FHIT: variants seen among roughly 807,000 people sequenced by gnomAD.
The protein encoded by FHIT is bis(5'-adenosyl)-triphosphatase.
FHIT carries 19 observed loss-of-function variants against 17.9 expected under a neutral mutation model. That is an observed-to-expected ratio of 1.06 (90% CI 0.74 to 1.56). The LOEUF (loss-of-function observed/expected upper bound fraction) is 1.56, where lower values mean the gene tolerates loss of function less well. Ranked by LOEUF, FHIT falls within the 40% of genes most tolerant of loss-of-function variation. The pLI is 0.00. For synonymous variants in FHIT, 81 were observed against 69.7 expected, an observed-to-expected ratio of 1.16 and a Z score of -0.81; for missense variants, 248 against 189.2, an observed-to-expected ratio of 1.31 and a Z score of -1.82.
intron 4 of FHIT, among the ~76,000 whole-genome samples, chr3:60,794,476 A>G (rs1345933812): frequency 2.6e-5 from 4 of 152,058 alleles, no homozygotes; most frequent in Non-Finnish European, 5.9e-5. Context: ...CATTTCTGAA[A>G]TAGGCTGTCT....
chr3:60,517,446 T>C (rs1175194284), intron 5 of FHIT, among the ~76,000 whole-genome samples: 3 of 152,058 alleles, frequency 2.0e-5, no homozygotes, highest in Admixed American at 1.3e-4. Context: ...AAGTAGCTAC[T>C]TCCTCTGTCT....
intron 5 of FHIT, among the ~76,000 whole-genome samples, chr3:60,492,433 ACTT>A (rs2034105707): frequency 6.6e-6 from 1 of 152,152 alleles, no homozygotes; most frequent in African/African-American, 2.4e-5. Flanking sequence ...GGTCATAAAT[ACTT>A]CTTAAGGTGC....
chr3:60,686,425 G>T (rs1262431454), intron 4 of FHIT, among the ~76,000 whole-genome samples: 2 of 152,024 alleles, frequency 1.3e-5, no homozygotes, highest in African/African-American at 4.8e-5. Flanking sequence ...GATTACTTTT[G>T]CACCAACCTA....
chr3:60,805,343 T>C (rs999910676), intron 4 of FHIT, among the ~76,000 whole-genome samples: 1 of 152,232 alleles, frequency 6.6e-6, no homozygotes, highest in Admixed American at 6.5e-5. Context: ...TCCAAGATCA[T>C]GGTGTCAGCA....
At position 60,155,173 on chromosome 3, in the gene FHIT, C is replaced by CA. The variant is rs10552580; in HGVS notation, c.104-141022dup. ...TGCACTACAGCCTGGGTGACAGAGTCAAAAAAAAAAAAAAAAAAGTCACAG... is the reference window on the plus strand; with the variant it reads ...TGCACTACAGCCTGGGTGACAGAGTCAAAAAAAAAAAAAAAAAAAGTCACAG... On this transcript the variant is annotated intron_variant, in intron 5 of 9. Transcript: ENST00000492590. Among the ~76,000 whole-genome samples the CA allele has an allele frequency of 9.9e-3, 1,261 of 127,100 alleles. 18 individuals are homozygous for CA. Among genetic ancestry groups the CA allele is most frequent in the African/African-American group, 0.031 (1,007 of 32,546 alleles). 83.4% of individuals were successfully genotyped at this position (127,100 alleles called of 152,430 possible). A position where few individuals can be genotyped will look rare whatever the true frequency, so the allele number is the denominator to read the frequency against.
chr3:60,514,464 G>A (rs2035071433), intron 5 of FHIT, among the ~76,000 whole-genome samples: 2 of 152,224 alleles, frequency 1.3e-5, no homozygotes, highest in African/African-American at 4.8e-5. Flanking sequence ...AAGTGGTCAA[G>A]GGAGCTCCCG....
chr3:60,211,200 G>T (rs1703437131), intron 5 of FHIT, among the ~76,000 whole-genome samples: 1 of 151,552 alleles, frequency 6.6e-6, no homozygotes, highest in Admixed American at 6.6e-5. Context: ...AATGTATAGA[G>T]TATATATAAC....
rs770082510 is a variant in FHIT at position 59,991,281 on chromosome 3, CA to C, written c.279+20089del. 1.2e-4 allele frequency among the ~76,000 whole-genome samples: 19 copies of C among 152,126 alleles called. No individual in the cohort carries two copies. The East Asian group carries it at 1.9e-3, about 16-fold the overall frequency. The stretch of plus-strand genomic sequence containing the variant: ...TAAATTTACACAGTAAACCCAATAC[CA>C]TATAGACTTTTAGTGATATTTTGGT... On this transcript the variant is annotated intron_variant, in intron 7 of 9. Transcript: ENST00000492590.
At chr3:60,869,478 C>A (rs1704306924) in intron 3 of FHIT, among the ~76,000 whole-genome samples, 1 of 152,126 alleles carries the variant, frequency 6.6e-6, no homozygotes, top group African/African-American at 2.4e-5. Flanking sequence ...TGGTTGTCCA[C>A]AGATCTCAGG....
At chr3:60,159,943 T>C (rs769387995) in intron 5 of FHIT, among the ~76,000 whole-genome samples, 7 of 152,190 alleles carry the variant, frequency 4.6e-5, no homozygotes, top group Non-Finnish European at 2.9e-5. Flanking sequence ...ATTTGCATGA[T>C]ACTACACTGC....
In FHIT at chr3:60,050,889, G is replaced by C. The variant is rs78919262; in HGVS notation, c.104-36737C>G. 2.3e-3 allele frequency among the ~76,000 whole-genome samples: 356 copies of C among 152,182 alleles called. 1 individual carries two copies. Among genetic ancestry groups the C allele is most frequent in the African/African-American group, 8.0e-3 (331 of 41,532 alleles). On this transcript the variant is annotated intron_variant, in intron 5 of 9. Coordinates refer to ENST00000492590, the MANE Select transcript of FHIT (RefSeq NM_002012.4). ...GAAGAGAATGTGGTGTAAGGCCCAG[G>C]GGATTACTCTAAAGAGGCCTCCATT...
At chr3:60,582,053 G>A (rs1553659842) in intron 4 of FHIT, among the ~76,000 whole-genome samples, 2 of 151,990 alleles carry the variant, frequency 1.3e-5, no homozygotes, top group Non-Finnish European at 2.9e-5. Flanking sequence ...AAACCTAAGG[G>A]TCTGAAGCAG....
intron 3 of FHIT, among the ~76,000 whole-genome samples, chr3:60,844,747 T>C (rs1553745985): frequency 2.0e-5 from 3 of 152,170 alleles, no homozygotes. Flanking sequence ...CCCTTTCAAA[T>C]CAGGACAAGA....
At chr3:59,902,800 A>C (rs1704391664) in intron 8 of FHIT, among the ~76,000 whole-genome samples, 1 of 152,130 alleles carries the variant, frequency 6.6e-6, no homozygotes, top group African/African-American at 2.4e-5. Flanking sequence ...GGCATGGGGG[A>C]AATGGGAATA....
chr3:59,816,956 T>C (rs1384434385), intron 8 of FHIT, among the ~76,000 whole-genome samples: 1 of 152,156 alleles, frequency 6.6e-6, no homozygotes, highest in African/African-American at 2.4e-5. Flanking sequence ...AGCATCTTGA[T>C]CTAGACCAGT....
chr3:60,560,148 G>A lies in FHIT; in HGVS notation c.-17-23169C>T, dbSNP rs558259218. ...CACAGACAATTGTAGGTTCCATTTG[G>A]GGGCAATTTTCTTCCCTTATCATGG... On this transcript the variant is annotated intron_variant, in intron 4 of 9. Transcript: ENST00000492590. 2.6e-5 allele frequency among the ~76,000 whole-genome samples: 4 copies of A among 152,134 alleles called. No homozygotes were observed. The South Asian group carries it at 8.3e-4, about 32-fold the overall frequency.
chr3:60,161,681 G>T (rs1459329742), intron 5 of FHIT, among the ~76,000 whole-genome samples: 1 of 151,782 alleles, frequency 6.6e-6, no homozygotes, highest in East Asian at 1.9e-4. Flanking sequence ...CCTGCATTTG[G>T]GGGAAAAAAA....
chr3:60,918,086 C>G lies in FHIT; in HGVS notation c.-110-96075G>C, dbSNP rs530752602. On this transcript the variant is annotated intron_variant, in intron 3 of 9. Coordinates refer to ENST00000492590, the MANE Select transcript of FHIT (RefSeq NM_002012.4). ...TGTTCTCGTGGTAGTAATTAAGTTT[C>G]ACAATATTTGATGGTTTTATAAATG... Among the ~76,000 whole-genome samples the G allele has an allele frequency of 5.9e-5, 9 of 152,300 alleles. 1 individual carries two copies. In the South Asian group the frequency reaches 1.9e-3, roughly 32 times the overall value.
intron 2 of FHIT, among the ~76,000 whole-genome samples, chr3:61,057,633 T>C (rs554970111): frequency 4.3e-4 from 66 of 152,298 alleles, no homozygotes; most frequent in African/African-American, 1.4e-3. Flanking sequence ...TGGTTAATTC[T>C]CCTTCAGAAC....
Sources: gnomAD v4.1 joint callset for allele counts (sites outside exome capture counted in the v4.1 genomes callset) on GRCh38, gnomAD v4.1.1 for gene constraint, MANE v1.5 for transcripts, NCBI Gene and HGNC (gene_info 2026-07-23, HGNC 2026-07-21) for gene names.